SGCZ: variants seen among roughly 807,000 people sequenced by gnomAD.
SGCZ encodes sarcoglycan zeta, also known as zeta-sarcoglycan.
In SGCZ, 40 loss-of-function variants were observed where a neutral mutation model predicts 41.3. The observed-to-expected ratio is 0.97, with a 90% CI of 0.75 to 1.26. The LOEUF is 1.26. Ranked by LOEUF, SGCZ falls within the 50% of genes most tolerant of loss-of-function variation. The pLI is 0.00. For synonymous variants in SGCZ, 206 were observed against 137.5 expected (o/e 1.50, Z -3.49); for missense variants, 552 against 369.8 (o/e 1.49, Z -4.04).
At chr8:14,877,608 G>T (rs765053185) in intron 1 of SGCZ, among the ~76,000 whole-genome samples, 2 of 151,884 alleles carry the variant, frequency 1.3e-5, no homozygotes, top group Non-Finnish European at 2.9e-5. Context: ...GATATTAAAG[G>T]CATAAAAAAT....
chr8:15,050,511 G>C (rs184075086), intron 1 of SGCZ, among the ~76,000 whole-genome samples: 2 of 152,190 alleles, frequency 1.3e-5, no homozygotes, highest in Non-Finnish European at 2.9e-5. Flanking sequence ...AAGCAAAGAA[G>C]ACAACATGTG....
chr8:14,534,537 G>C (rs1213335708), intron 2 of SGCZ, among the ~76,000 whole-genome samples: 2 of 151,896 alleles, frequency 1.3e-5, no homozygotes, highest in Non-Finnish European at 2.9e-5. Flanking sequence ...TACAGGCATG[G>C]GAAATTAACC....
chr8:14,227,728 C>A (rs548831355), intron 4 of SGCZ, among the ~76,000 whole-genome samples: 190 of 152,104 alleles, frequency 1.2e-3, no homozygotes, highest in Non-Finnish European at 1.7e-3. Context: ...TACTTGGAAA[C>A]AGAAGAATAG....
At position 15,105,279 on chromosome 8, in the gene SGCZ, A is replaced by C. The variant is rs1806779733; in HGVS notation, c.39+132306T>G. 3.3e-5 allele frequency among the ~76,000 whole-genome samples: 5 copies of C among 152,172 alleles called. No individual in the cohort carries two copies. The South Asian group carries it at 1.0e-3, about 32-fold the overall frequency. ...CACTTCTGTATTTTCGACCTTGTCC[A>C]TGATTATTCCCCCTACAGATGTGTA... On this transcript the variant is annotated intron_variant, in intron 1 of 7. Coordinates refer to ENST00000382080, the MANE Select transcript of SGCZ (RefSeq NM_139167.4).
At chr8:14,561,189 T>C (rs1647133088) in intron 1 of SGCZ, among the ~76,000 whole-genome samples, 1 of 152,158 alleles carries the variant, frequency 6.6e-6, no homozygotes, top group South Asian at 2.1e-4. Flanking sequence ...ACTTTACAAC[T>C]TTAGCTTTAA....
rs186649545 is a variant in SGCZ, at chr8:14,086,874, G to C, written c.*3569C>G. ...GCTACTTAACCTAAGATTTATGAGT[G>C]CTTCCTTAACTGAATCAGAAAAACT... On this transcript the variant is annotated 3_prime_UTR_variant, in exon 8 of 8. Coordinates refer to ENST00000382080, the MANE Select transcript of SGCZ (RefSeq NM_139167.4). 1.3e-5 allele frequency among the ~76,000 whole-genome samples: 2 copies of C among 151,600 alleles called. No homozygotes were observed. Among genetic ancestry groups the C allele is most frequent in the Admixed American group, 6.6e-5 (1 of 15,180 alleles).
chr8:15,037,338 G>A (rs1803909935), intron 1 of SGCZ, among the ~76,000 whole-genome samples: 1 of 152,150 alleles, frequency 6.6e-6, no homozygotes, highest in Non-Finnish European at 1.5e-5. Flanking sequence ...GTCACCATGT[G>A]ACGAAGGATA....
chr8:14,417,596 T>A (rs1426923129), intron 2 of SGCZ, among the ~76,000 whole-genome samples: 1 of 151,790 alleles, frequency 6.6e-6, no homozygotes, highest in Non-Finnish European at 1.5e-5. Flanking sequence ...TACCTAATTG[T>A]CACATAGAAG....
At chr8:14,705,357 G>A (rs562554514) in intron 1 of SGCZ, among the ~76,000 whole-genome samples, 4 of 151,876 alleles carry the variant, frequency 2.6e-5, no homozygotes, top group African/African-American at 9.7e-5. Flanking sequence ...ATTTTTTTCT[G>A]TATGATACAT....
At chr8:14,683,983 T>C (rs988432735) in intron 1 of SGCZ, among the ~76,000 whole-genome samples, 1 of 152,164 alleles carries the variant, frequency 6.6e-6, no homozygotes, top group Non-Finnish European at 1.5e-5. Flanking sequence ...ATCCATGGGA[T>C]GCCATAGGTT....
chr8:14,684,270 A>G (rs1510450), intron 1 of SGCZ, among the ~76,000 whole-genome samples: 151,849 of 152,284 alleles, frequency 1, 75,709 homozygotes, highest in Middle Eastern at 1. Flanking sequence ...TAATTTTTCT[A>G]TAAACAACAG....
intron 1 of SGCZ, among the ~76,000 whole-genome samples, chr8:14,609,466 C>G (rs1805858123): frequency 6.6e-6 from 1 of 152,150 alleles, no homozygotes; most frequent in South Asian, 2.1e-4. Flanking sequence ...GAAAAAAAGT[C>G]TTAATTAAAT....
chr8:14,495,641 ATTTGGAT>A (rs1324948020), intron 2 of SGCZ, among the ~76,000 whole-genome samples: 1 of 152,166 alleles, frequency 6.6e-6, no homozygotes, highest in East Asian at 1.9e-4. Flanking sequence ...TACAAAATAG[ATTTGGAT>A]TTAATTGCTT....
At chr8:14,711,415 TCTC>T (rs1809510126) in intron 1 of SGCZ, among the ~76,000 whole-genome samples, 1 of 124,268 alleles carries the variant, frequency 8.0e-6, no homozygotes, top group African/African-American at 3.1e-5. Flanking sequence ...CATGGTAAAA[TCTC>T]CTCTCTACTA....
At chr8:14,933,675 A>G (rs1799993535) in intron 1 of SGCZ, among the ~76,000 whole-genome samples, 1 of 151,770 alleles carries the variant, frequency 6.6e-6, no homozygotes, top group African/African-American at 2.4e-5. Flanking sequence ...GATGATCTCG[A>G]TCTCCTGACC....
chr8:14,430,872 C>A (rs1585501803), intron 2 of SGCZ, among the ~76,000 whole-genome samples: 2 of 152,160 alleles, frequency 1.3e-5, no homozygotes, highest in Admixed American at 1.3e-4. Context: ...TTAATGTACA[C>A]AAATCAGTAG....
intron 5 of SGCZ, among the ~76,000 whole-genome samples, chr8:14,117,490 G>A (rs1395031559): frequency 6.6e-6 from 1 of 151,334 alleles, no homozygotes; most frequent in African/African-American, 2.4e-5. Flanking sequence ...CCGTGTGTGT[G>A]TGTGTGTATG....
intron 2 of SGCZ, among the ~76,000 whole-genome samples, chr8:14,398,356 T>C (rs1331104923): frequency 1.3e-5 from 2 of 152,160 alleles, no homozygotes; most frequent in South Asian, 2.1e-4. Flanking sequence ...TGATTACTGA[T>C]AGTTCTCACT....
At chr8:14,528,842 AC>A (rs1226465099) in intron 2 of SGCZ, among the ~76,000 whole-genome samples, 3,569 of 148,750 alleles carry the variant, frequency 0.024, 243 homozygotes, top group African/African-American at 0.083. Flanking sequence ...AAAAAACAAA[AC>A]AAAAACAAAA....
Sources: gnomAD v4.1 joint callset for allele counts (sites outside exome capture counted in the v4.1 genomes callset) on GRCh38, gnomAD v4.1.1 for gene constraint, MANE v1.5 for transcripts, NCBI Gene and HGNC (gene_info 2026-07-23, HGNC 2026-07-21) for gene names.